TLK1: variants seen among roughly 807,000 people sequenced by gnomAD.
TLK1 encodes the protein serine/threonine-protein kinase tousled-like 1.
In TLK1, 24 loss-of-function variants were observed where a neutral mutation model predicts 105.3. That is an observed-to-expected ratio of 0.23 (90% CI 0.17 to 0.32). The LOEUF is 0.32. Ranked by LOEUF, TLK1 falls within the 10% of genes least tolerant of loss-of-function variation. The pLI is 1.00. For synonymous variants in TLK1, 321 were observed against 310.4 expected, an observed-to-expected ratio of 1.03 and a Z score of -0.36; for missense variants, 558 against 910.5, an observed-to-expected ratio of 0.61 and a Z score of 4.98.
At chr2:171,037,534 G>A (rs1201276054) in intron 11 of TLK1, among the ~76,000 whole-genome samples, 1 of 151,986 alleles carries the variant, frequency 6.6e-6, no homozygotes, top group Non-Finnish European at 1.5e-5. Context: ...GCAGATTAAG[G>A]AAGTATCTTC....
At chr2:171,116,473 G>A (rs372079087) in intron 2 of TLK1, among the ~76,000 whole-genome samples, 2 of 152,158 alleles carry the variant, frequency 1.3e-5, no homozygotes, top group African/African-American at 4.8e-5. Context: ...GGCCGAGGTG[G>A]GTGGATCACC....
Position 171,060,378 on chromosome 2 carries a change from C to T in TLK1, c.406+703G>A, listed in dbSNP as rs547088343. Among the ~76,000 whole-genome samples the T allele has an allele frequency of 3.3e-4, 50 of 152,252 alleles. 1 individual carries two copies. Among genetic ancestry groups the T allele is most frequent in the African/African-American group, 1.1e-3 (47 of 41,538 alleles). On this transcript the variant is annotated intron_variant, in intron 4 of 20. Transcript: ENST00000431350. ...AGAAAAGGCACTAAAATGACTTACCCTTCCTTCCATAAAGACAGTTGCTGC... is the reference window on the plus strand; with the variant it reads ...AGAAAAGGCACTAAAATGACTTACCTTTCCTTCCATAAAGACAGTTGCTGC...
chr2:171,160,785 C>T lies in TLK1; in HGVS notation c.-357G>A. 2.5e-6 allele frequency: 1 copy of T among 401,352 alleles called. No individual in the cohort carries two copies. Among genetic ancestry groups the T allele is most frequent in the Non-Finnish European group, 4.4e-6 (1 of 229,710 alleles). The allele number at this position is 401,352 out of a possible 1,614,324, so 24.9% of individuals were successfully genotyped here. A position where few individuals can be genotyped will look rare whatever the true frequency, so the allele number is the denominator to read the frequency against. ...GGGCTGCGCCGGCCGAGGACACTTC[C>T]GCGGGCGGAACCTGCCGGCACCTCT... On this transcript the variant is annotated 5_prime_UTR_variant, in exon 1 of 21. Transcript: ENST00000431350. The surrounding 1 kb of genome is among the most constrained non-coding windows in gnomAD (Gnocchi z 4.4).
rs1209118499 is a variant in TLK1 at position 170,991,664 on chromosome 2, T to C, written c.*2116A>G. 6.6e-6 allele frequency: 1 copy of C among 152,246 alleles called. No homozygotes were observed. Among genetic ancestry groups the C allele is most frequent in the Non-Finnish European group, 1.5e-5 (1 of 68,042 alleles). 9.4% of individuals were successfully genotyped at this position (152,246 alleles called of 1,614,324 possible). ...AGTAAAATGGTAAAGCAGTGATCTC[T>C]AGGTCTATACTACTTAACTTACTGA... On this transcript the variant is annotated 3_prime_UTR_variant, in exon 21 of 21. Coordinates refer to ENST00000431350, the MANE Select transcript of TLK1 (RefSeq NM_012290.5).
intron 1 of TLK1, among the ~76,000 whole-genome samples, chr2:171,172,200 G>T (rs1382210807): frequency 6.6e-6 from 1 of 152,148 alleles, no homozygotes; most frequent in Non-Finnish European, 1.5e-5. Flanking sequence ...TTTATATAAA[G>T]TTTAAAAACA....
rs150768239 is a variant in TLK1 at position 171,124,135 on chromosome 2, G to A, written c.140-6278C>T. The stretch of plus-strand genomic sequence containing the variant: ...TGTCAACTTCTGAAAAATGCTGTGG[G>A]AACTATAGTTTGAGACTAGAAAATA... On this transcript the variant is annotated intron_variant, in intron 1 of 20. Transcript: ENST00000431350. Among the ~76,000 whole-genome samples the A allele has an allele frequency of 4.6e-3, 706 of 152,262 alleles. 8 individuals are homozygous for A. Among genetic ancestry groups the A allele is most frequent in the African/African-American group, 0.016 (666 of 41,542 alleles).
At chr2:170,999,816 T>G (rs1042428352) in intron 18 of TLK1, among the ~76,000 whole-genome samples, 13 of 152,010 alleles carry the variant, frequency 8.6e-5, no homozygotes, top group African/African-American at 3.1e-4. Context: ...CTGAGTGCAG[T>G]GGTGCGATCA....
At chr2:171,192,573 G>A (rs1452538706) in intron 1 of TLK1, among the ~76,000 whole-genome samples, 2 of 152,112 alleles carry the variant, frequency 1.3e-5, no homozygotes, top group African/African-American at 4.8e-5. Context: ...CCAGCTACTC[G>A]GGAGGCTGAG....
intron 12 of TLK1, among the ~76,000 whole-genome samples, chr2:171,023,414 TACACACAC>T (rs140384482): frequency 9.5e-5 from 14 of 147,632 alleles, no homozygotes; most frequent in Admixed American, 2.0e-4. Flanking sequence ...CACTCACACA[TACACACAC>T]ACACACACAC....
At chr2:171,188,460 C>T (rs11891031) in intron 1 of TLK1, among the ~76,000 whole-genome samples, 5,633 of 152,208 alleles carry the variant, frequency 0.037, 345 homozygotes, top group African/African-American at 0.13. Flanking sequence ...AATCCCAGCA[C>T]TTTGGGAGGC....
intron 1 of TLK1, among the ~76,000 whole-genome samples, chr2:171,169,136 A>G (rs1316554209): frequency 6.6e-6 from 1 of 152,118 alleles, no homozygotes; most frequent in Admixed American, 6.5e-5. Flanking sequence ...ATCTATCTGG[A>G]AGAAACAATC....
At chr2:171,055,234 CAG>C (rs1687445948) in intron 6 of TLK1, 62 bp from the exon 7 acceptor site, 11 of 860,486 alleles carry the variant, frequency 1.3e-5, no homozygotes, top group Non-Finnish European at 1.6e-5. Context: ...CAAAACAAAA[CAG>C]ATTTCTAATT....
chr2:171,167,164 C>T lies in TLK1; in HGVS notation c.-5-49307G>A, dbSNP rs183047744. ...CCACTTGTTAAGCTGGGTGGGAGTA[C>T]GGAGGTATGTTTGTCTTATTCTTTC... On this transcript the variant is annotated intron_variant, in intron 1 of 20. Coordinates refer to the TLK1 transcript ENST00000521943. 5.9e-5 allele frequency among the ~76,000 whole-genome samples: 9 copies of T among 152,212 alleles called. No individual in the cohort carries two copies. The East Asian group carries it at 1.3e-3, about 23-fold the overall frequency.
At chr2:171,020,002 G>A (rs1685412145) in intron 12 of TLK1, among the ~76,000 whole-genome samples, 1 of 150,802 alleles carries the variant, frequency 6.6e-6, no homozygotes, top group Non-Finnish European at 1.5e-5. Context: ...AGGTTGCAGC[G>A]AGCCAAGATC....
chr2:171,145,363 G>A (rs752200241), intron 1 of TLK1, among the ~76,000 whole-genome samples: 12 of 152,012 alleles, frequency 7.9e-5, no homozygotes, highest in African/African-American at 1.9e-4. Context: ...AGGCCAAGGC[G>A]GGTGGATCAC....
intron 2 of TLK1, 53 bp downstream of exon 2, chr2:171,117,686 A>AAAG: frequency 1.4e-6 from 2 of 1,391,966 alleles, no homozygotes; most frequent in South Asian, 2.4e-5. Context: ...ATACTATTTT[A>AAAG]GATCATTTAA....
chr2:171,037,452 A>AC (rs1575538850), intron 11 of TLK1, among the ~76,000 whole-genome samples: 1 of 151,806 alleles, frequency 6.6e-6, no homozygotes, highest in South Asian at 2.1e-4. Flanking sequence ...AAAAAAAAAA[A>AC]AAAACAGAGG....
intron 13 of TLK1, among the ~76,000 whole-genome samples, chr2:171,012,746 C>A (rs989696183): frequency 1.3e-5 from 2 of 151,874 alleles, no homozygotes; most frequent in African/African-American, 4.8e-5. Flanking sequence ...CAAAGTACTG[C>A]GATTTCAGGT....
At chr2:171,123,014 G>A (rs886973406) in intron 1 of TLK1, among the ~76,000 whole-genome samples, 2 of 151,022 alleles carry the variant, frequency 1.3e-5, no homozygotes, top group Non-Finnish European at 1.5e-5. Flanking sequence ...ACTCCAGCCT[G>A]GGTGACAAGA....
Sources: gnomAD v4.1 joint callset for allele counts (sites outside exome capture counted in the v4.1 genomes callset) on GRCh38, gnomAD v4.1.1 for gene constraint, Gnocchi (gnomAD v3.1) non-coding constraint, MANE v1.5 for transcripts, NCBI Gene and HGNC (gene_info 2026-07-23, HGNC 2026-07-21) for gene names.